Variants in APOOL observed in about 807,000 individuals in gnomAD.
APOOL encodes the protein MICOS complex subunit MIC27.
Under a neutral mutation model 23.1 loss-of-function variants are expected in APOOL, and 12 were observed. That is an observed-to-expected ratio of 0.52 (90% CI 0.33 to 0.84). The LOEUF (loss-of-function observed/expected upper bound fraction) is 0.84, where lower values mean the gene tolerates loss of function less well. Among genes scored for constraint, APOOL ranks in the 40% least tolerant of loss-of-function variants. APOOL has a pLI of 0.02. For synonymous variants in APOOL, 77 were observed against 69.9 expected, an observed-to-expected ratio of 1.10 and a Z score of -0.51; for missense variants, 212 against 199.6, an observed-to-expected ratio of 1.06 and a Z score of -0.37.
At chrX:85,020,923 G>GC (rs1182744812) in intron 1 of APOOL, among the ~76,000 whole-genome samples, 1 of 111,809 alleles carries the variant, frequency 8.9e-6, no homozygotes, top group African/African-American at 3.3e-5. Context: ...ACTATCCCCA[G>GC]CCCCAGACAG....
chrX:85,079,613 T>C (rs772377473), intron 8 of APOOL, among the ~76,000 whole-genome samples: 1 of 111,671 alleles, frequency 9.0e-6, no homozygotes, highest in Non-Finnish European at 1.9e-5. Flanking sequence ...AGAAAATGAG[T>C]TAGTGAGAAT....
intron 5 of APOOL, among the ~76,000 whole-genome samples, chrX:85,058,733 T>A (rs1045278256): frequency 1.4e-4 from 16 of 111,358 alleles, no homozygotes; most frequent in South Asian, 3.8e-4. Context: ...TTCACCAACA[T>A]CTGTTATTTT....
Position 85,051,295 on chromosome X carries a change from A to T in APOOL, c.121-94A>T. On this transcript the variant is annotated intron_variant, in intron 2 of 8. Transcript: ENST00000373173. ...TATCAGCATTTTTAGTTGTTTTTAG[A>T]AAGAAGGCTGATGAGGATTCCTGTT... The T allele has an allele frequency of 3.0e-6, 3 of 992,252 alleles. No homozygotes were observed. The Admixed American group carries it at 8.6e-5, about 29-fold the overall frequency. 81.8% of individuals were successfully genotyped at this position (992,252 alleles called of 1,213,427 possible). A position where few individuals can be genotyped will look rare whatever the true frequency, so the allele number is the denominator to read the frequency against.
intron 1 of APOOL, among the ~76,000 whole-genome samples, chrX:85,029,317 C>CT (rs1921952336): frequency 9.0e-6 from 1 of 111,587 alleles, no homozygotes; most frequent in Admixed American, 9.5e-5. Flanking sequence ...AGTGTGTTTT[C>CT]TTATCTGAGT....
intron 1 of APOOL, among the ~76,000 whole-genome samples, chrX:85,041,780 G>A (rs192110820): frequency 9.0e-6 from 1 of 111,274 alleles, no homozygotes; most frequent in East Asian, 2.8e-4. Flanking sequence ...GCATAAGTGT[G>A]AGTGTCTGGG....
At chrX:85,083,435 A>G (rs1366839841) in intron 8 of APOOL, among the ~76,000 whole-genome samples, 1 of 111,616 alleles carries the variant, frequency 9.0e-6, no homozygotes, top group African/African-American at 3.3e-5. Context: ...TGGATATTCT[A>G]GAAGTGAAAA....
chrX:85,032,882 A>G (rs1922091059), intron 1 of APOOL, among the ~76,000 whole-genome samples: 1 of 111,856 alleles, frequency 8.9e-6, no homozygotes, highest in East Asian at 2.8e-4. Flanking sequence ...TGAATGTACT[A>G]CGTAACTCCC....
At chrX:85,044,337 A>G (rs955904242) in intron 1 of APOOL, among the ~76,000 whole-genome samples, 1 of 109,456 alleles carries the variant, frequency 9.1e-6, no homozygotes. Flanking sequence ...GCTGGAGTGC[A>G]GTGGTGCTAT....
At chrX:85,066,237 A>T (rs1956334471) in intron 5 of APOOL, among the ~76,000 whole-genome samples, 1 of 112,236 alleles carries the variant, frequency 8.9e-6, no homozygotes, top group African/African-American at 3.2e-5. Flanking sequence ...AGTATAAGAT[A>T]CTCAGACAAG....
In APOOL at chrX:85,074,298, G is replaced by A; in HGVS notation, c.625G>A (p.Val209Ile). The change falls in exon 8 of 9, where the codon GTA becomes ATA. Residue 209 changes from valine (V) to isoleucine (I), a missense_variant. Transcript: ENST00000373173. Reference protein sequence around the residue: ...TKLGSSSEIEVPAKTTHVLKH... With the variant: ...TKLGSSSEIEIPAKTTHVLKH... Reference sequence around the variant, plus strand: ...GCTAGGATCCTCTTCCGAAATAGAAGTACCTGCAAAAACAACTCACGTCTT... The same window carrying A: ...GCTAGGATCCTCTTCCGAAATAGAAATACCTGCAAAAACAACTCACGTCTT... The A allele has an allele frequency of 8.3e-7, 1 of 1,211,175 alleles. No homozygotes were observed. Among genetic ancestry groups the A allele is most frequent in the South Asian group, 1.8e-5 (1 of 56,948 alleles).
At position 85,054,426 on chromosome X, in the gene APOOL, T is replaced by C. The variant is rs139933312; in HGVS notation, c.295+28T>C. On this transcript the variant is annotated intron_variant, in intron 4 of 8. Transcript: ENST00000373173. Reference sequence around the variant, plus strand: ...AGGTGAGTAGATAATTAGAAATGTTTTATTGTGTTTTTAAATTGCATTGTT... The same window carrying C: ...AGGTGAGTAGATAATTAGAAATGTTCTATTGTGTTTTTAAATTGCATTGTT... The C allele has an allele frequency of 1.1e-3, 1,243 of 1,111,511 alleles. 9 individuals carry two copies. The African/African-American group carries it at 0.021, about 18-fold the overall frequency. 91.6% of individuals were successfully genotyped at this position (1,111,511 alleles called of 1,213,427 possible).
At chrX:85,040,511 C>G (rs1378127642) in intron 1 of APOOL, among the ~76,000 whole-genome samples, 1 of 111,893 alleles carries the variant, frequency 8.9e-6, no homozygotes, top group Non-Finnish European at 1.9e-5. Flanking sequence ...GTATCTTTCT[C>G]TCTGTGTTTT....
intron 8 of APOOL, among the ~76,000 whole-genome samples, chrX:85,079,955 A>G (rs1224526807): frequency 3.6e-5 from 4 of 111,017 alleles, no homozygotes; most frequent in Non-Finnish European, 7.6e-5. Flanking sequence ...ATCATTTTTT[A>G]TTGCATCTAT....
chrX:85,067,994 A>T (rs1432691869), intron 6 of APOOL, among the ~76,000 whole-genome samples: 1 of 111,223 alleles, frequency 9.0e-6, no homozygotes, highest in Admixed American at 9.6e-5. Flanking sequence ...ATTGATATAG[A>T]GAAAGTTGCC....
chrX:85,083,206 A>G (rs1326646536), intron 8 of APOOL, among the ~76,000 whole-genome samples: 1 of 111,639 alleles, frequency 9.0e-6, no homozygotes. Context: ...ACAAAATACT[A>G]GTTATGCAAA....
chrX:85,070,308 G>A (rs746517457), intron 6 of APOOL, among the ~76,000 whole-genome samples: 2 of 111,335 alleles, frequency 1.8e-5, no homozygotes, highest in African/African-American at 3.3e-5. Flanking sequence ...GATAAGTCTA[G>A]AAGGTCCTTT....
chrX:85,010,072 A>G (rs1921224515), intron 1 of APOOL, among the ~76,000 whole-genome samples: 1 of 110,992 alleles, frequency 9.0e-6, no homozygotes, highest in African/African-American at 3.3e-5. Flanking sequence ...GGTTGATTCC[A>G]TATCTTTGCT....
chrX:85,053,074 C>T (rs1922836562), intron 3 of APOOL, among the ~76,000 whole-genome samples: 1 of 111,536 alleles, frequency 9.0e-6, no homozygotes. Flanking sequence ...ATGTCTGACT[C>T]AAATTCGTTC....
chrX:85,023,001 G>A (rs1232648437), intron 1 of APOOL, among the ~76,000 whole-genome samples: 2 of 111,351 alleles, frequency 1.8e-5, no homozygotes, highest in Non-Finnish European at 3.8e-5. Context: ...AAAGAGCCTG[G>A]CACCTCCACT....
Sources: allele counts gnomAD v4.1 joint callset (sites outside exome capture counted in the v4.1 genomes callset), GRCh38; gene constraint gnomAD v4.1.1; transcripts MANE v1.5; gene names NCBI Gene and HGNC (gene_info 2026-07-23, HGNC 2026-07-21).